Variants in SNX29 observed in about 807,000 individuals in gnomAD.
SNX29 encodes the protein sorting nexin-29.
SNX29 carries 78 observed loss-of-function variants against 102.1 expected under a neutral mutation model. The ratio of observed to expected loss-of-function variants is 0.76; its 90% confidence interval spans 0.64 to 0.92. The LOEUF is 0.92. Among genes scored for constraint, SNX29 ranks in the 40% least tolerant of loss-of-function variants. SNX29 has a pLI of 0.00. For missense variants in SNX29, 1,280 were observed against 1,061.7 expected (o/e 1.21, Z -2.86); for synonymous variants, 580 against 414.5 (o/e 1.40, Z -4.85).
At chr16:12,403,024 T>TGCTCCAGAAACGCTGGGC (rs2084009571) in intron 17 of SNX29, among the ~76,000 whole-genome samples, 1 of 152,126 alleles carries the variant, frequency 6.6e-6, no homozygotes. Context: ...GACTGCTGGG[T>TGCTCCAGAAACGCTGGGC]GCTCCAGAAA....
rs1426474965 is a variant in SNX29, at chr16:12,239,975, GTATT to G, written c.1679-37955_1679-37952del. On this transcript the variant is annotated intron_variant, in intron 14 of 20. Transcript: ENST00000566228. The stretch of plus-strand genomic sequence containing the variant: ...TACCTCTTCCCAGTCTTTTTTATTT[GTATT>G]TAGAGTGTCTGTGTAAAACACATTT... Among the ~76,000 whole-genome samples the G allele has an allele frequency of 6.6e-5, 10 of 152,270 alleles. No individual in the cohort carries two copies. The East Asian group carries it at 1.9e-3, about 29-fold the overall frequency.
intron 20 of SNX29, among the ~76,000 whole-genome samples, chr16:12,553,239 A>G (rs77357675): frequency 0.015 from 2,329 of 152,256 alleles, 55 homozygotes; most frequent in African/African-American, 0.053. Flanking sequence ...TTGAGAATAC[A>G]GAGAGAGATT....
intron 17 of SNX29, among the ~76,000 whole-genome samples, chr16:12,400,487 C>G (rs558470896): frequency 6.6e-6 from 1 of 152,178 alleles, no homozygotes; most frequent in African/African-American, 2.4e-5. Flanking sequence ...AGACTCAGTG[C>G]TCTCCACAAA....
At chr16:12,149,331 A>G (rs2055200273) in intron 13 of SNX29, among the ~76,000 whole-genome samples, 1 of 152,178 alleles carries the variant, frequency 6.6e-6, no homozygotes, top group African/African-American at 2.4e-5. Context: ...ACTGGCCTGA[A>G]CTTACTCTGC....
intron 13 of SNX29, among the ~76,000 whole-genome samples, chr16:12,138,895 A>G (rs2054761052): frequency 6.6e-6 from 1 of 151,996 alleles, no homozygotes; most frequent in South Asian, 2.1e-4. Context: ...TCTGTTTCTG[A>G]CTACAGGAAT....
chr16:12,528,316 G>A (rs2076841564), intron 20 of SNX29, among the ~76,000 whole-genome samples: 1 of 152,076 alleles, frequency 6.6e-6, no homozygotes, highest in Non-Finnish European at 1.5e-5. Context: ...TCCCGCCTCA[G>A]CCTCTGAGTA....
intron 12 of SNX29, 141 bp downstream of exon 12, chr16:12,126,837 CACTGTGGTATCTCTCTTT>C (rs980075056): frequency 6.2e-6 from 5 of 810,258 alleles, no homozygotes; most frequent in Middle Eastern, 3.0e-4. Flanking sequence ...AGGGATATGC[CACTGTGGTATCTCTCTTT>C]ACTGTGGTAT....
chr16:12,259,847 C>T (rs1001533416), intron 14 of SNX29, among the ~76,000 whole-genome samples: 1 of 144,634 alleles, frequency 6.9e-6, no homozygotes, highest in Non-Finnish European at 1.5e-5. Flanking sequence ...GGTTCAGGGT[C>T]CCCCTTTGAG....
intron 14 of SNX29, among the ~76,000 whole-genome samples, chr16:12,262,226 A>T (rs114971024): frequency 0.012 from 1,852 of 152,262 alleles, 55 homozygotes; most frequent in African/African-American, 0.042. Flanking sequence ...GATCTTGTTT[A>T]AAAAGTGAAT....
intron 20 of SNX29, among the ~76,000 whole-genome samples, chr16:12,558,667 T>TG (rs1429445019): frequency 6.6e-6 from 1 of 152,250 alleles, no homozygotes; most frequent in Admixed American, 6.5e-5. Flanking sequence ...CCAATCCTGC[T>TG]GGTCCTTGTG....
At chr16:12,132,797 A>G (rs1275084487) in intron 13 of SNX29, among the ~76,000 whole-genome samples, 4 of 152,268 alleles carry the variant, frequency 2.6e-5, no homozygotes, top group African/African-American at 7.2e-5. Context: ...CAGAAGGAAC[A>G]GATATCTGTA....
intron 15 of SNX29, among the ~76,000 whole-genome samples, chr16:12,354,777 G>T (rs945426334): frequency 2.0e-5 from 3 of 152,120 alleles, no homozygotes; most frequent in South Asian, 4.1e-4. Context: ...AAAGACGATC[G>T]ACTCAACCTT....
intron 19 of SNX29, among the ~76,000 whole-genome samples, chr16:12,485,448 A>G (rs559908699): frequency 1.3e-5 from 2 of 152,350 alleles, no homozygotes; most frequent in African/African-American, 4.8e-5. Flanking sequence ...GGAGCCACAG[A>G]TAATTCAACT....
intron 3 of SNX29, among the ~76,000 whole-genome samples, chr16:12,009,149 G>A (rs1018334073): frequency 6.6e-6 from 1 of 152,118 alleles, no homozygotes; most frequent in African/African-American, 2.4e-5. Context: ...TTTTTAAACA[G>A]GTGTATGTAA....
At chr16:12,078,779 G>A in intron 10 of SNX29, 54 bp from the exon 11 acceptor site, 2 of 1,465,034 alleles carry the variant, frequency 1.4e-6, no homozygotes, top group South Asian at 2.4e-5. Context: ...GGAATGGTGA[G>A]GGTGTGTACT....
At chr16:12,228,978 T>G (rs1386402242) in intron 14 of SNX29, among the ~76,000 whole-genome samples, 1 of 152,222 alleles carries the variant, frequency 6.6e-6, no homozygotes, top group African/African-American at 2.4e-5. Context: ...GTGTCTAGAA[T>G]GCGCTTTTCT....
rs374169541 is a variant in SNX29, at chr16:12,568,517, C to G, written c.2330C>G (p.Pro777Arg). 69 of 1,609,956 alleles carry G rather than the reference C, an allele frequency of 4.3e-5. No individual in the cohort carries two copies. Among genetic ancestry groups the G allele is most frequent in the Non-Finnish European group, 5.5e-5 (65 of 1,179,842 alleles). ...CCCTGCTCTTTCAGCGACATCACCC[C>G]GCCCGGAGAGCCTGTGAACAGCCGG... ...QLMPFFVDIT[P>R]PGEPVNSRPK... Residue 777 changes from proline (P) to arginine (R), a missense_variant, in exon 21 of 21, where the codon CCG (proline) becomes CGG (arginine). Coordinates refer to ENST00000566228, the MANE Select transcript of SNX29 (RefSeq NM_032167.5).
chr16:12,178,928 T>G (rs1596443386), intron 13 of SNX29, among the ~76,000 whole-genome samples: 1 of 152,226 alleles, frequency 6.6e-6, no homozygotes, highest in African/African-American at 2.4e-5. Context: ...TTATTATGGA[T>G]CATTCCAAGT....
At chr16:11,981,120 C>T (rs567002403) in intron 1 of SNX29, among the ~76,000 whole-genome samples, 1 of 151,872 alleles carries the variant, frequency 6.6e-6, no homozygotes, top group Non-Finnish European at 1.5e-5. Context: ...GGTGCACACC[C>T]CCACACCCAG....
Sources: gnomAD v4.1 joint callset for allele counts (sites outside exome capture counted in the v4.1 genomes callset) on GRCh38, gnomAD v4.1.1 for gene constraint, MANE v1.5 for transcripts, NCBI Gene and HGNC (gene_info 2026-07-23, HGNC 2026-07-21) for gene names.